MAFK: variants seen among roughly 807,000 people sequenced by gnomAD.
The protein encoded by MAFK is MAF bZIP transcription factor K.
MAFK carries 1 observed loss-of-function variant against 9.2 expected under a neutral mutation model. The observed-to-expected ratio is 0.11, with a 90% CI of 0.04 to 0.52. MAFK has a LOEUF of 0.52. MAFK is among the 20% of genes least tolerant of loss of function. The pLI is 0.94. For missense variants in MAFK, 207 were observed against 236.0 expected, an observed-to-expected ratio of 0.88 and a Z score of 0.81; for synonymous variants, 110 against 107.4, an observed-to-expected ratio of 1.02 and a Z score of -0.15.
At position 1,534,831 on chromosome 7, in the gene MAFK, A is replaced by G. The variant is rs900534122; in HGVS notation, c.-45+3933A>G. On this transcript the variant is annotated intron_variant, in intron 1 of 2. Transcript: ENST00000343242. The surrounding 1 kb of genome is among the most constrained non-coding windows in gnomAD (Gnocchi z 4.3). ...CCAAAGCTGAAATCCCCGTTTCTCT[A>G]TGGGCATCCACAGCCGGGACCGTTC... 3 of 353,094 alleles carry G rather than the reference A, an allele frequency of 8.5e-6. No homozygotes were observed. The highest frequency in any genetic ancestry group is 6.4e-5 in the African/African-American group (3 of 46,826). The allele number at this position is 353,094 out of a possible 1,614,324, so 21.9% of individuals were successfully genotyped here. A position where few individuals can be genotyped will look rare whatever the true frequency, so the allele number is the denominator to read the frequency against.
rs369980431 is a variant in MAFK, at chr7:1,532,552, G to A, written c.-45+1654G>A. ...CTTTGAGGGGCTGGTTGCCCGCAGC[G>A]TCGACTCCCCAGGTGCTGGTAAACC... On this transcript the variant is annotated intron_variant, in intron 1 of 2. Coordinates refer to ENST00000343242, the MANE Select transcript of MAFK (RefSeq NM_002360.4). This position sits in a 1 kb window ranked among gnomAD's most constrained non-coding sequence, Gnocchi z 4.5. 4.8e-4 allele frequency among the ~76,000 whole-genome samples: 73 copies of A among 152,294 alleles called. No individual in the cohort carries two copies. The South Asian group carries it at 0.012, about 25-fold the overall frequency.
intron 1 of MAFK, among the ~76,000 whole-genome samples, chr7:1,536,615 T>G (rs1784037532): frequency 6.6e-6 from 1 of 152,252 alleles, no homozygotes; most frequent in South Asian, 2.1e-4. Flanking sequence ...ATCAGTTGCT[T>G]TACAAACTTT....
At chr7:1,531,011 G>C (rs1783891478) in intron 1 of MAFK, 113 bp downstream of exon 1, 1 of 147,014 alleles carries the variant, frequency 6.8e-6, no homozygotes, top group Admixed American at 6.7e-5. Flanking sequence ...CGGGCCGAGG[G>C]TGGCGGGGTT....
intron 1 of MAFK, 108 bp downstream of exon 1, chr7:1,531,006 C>T (rs1372485372): frequency 6.9e-6 from 1 of 145,234 alleles, no homozygotes; most frequent in Non-Finnish European, 1.5e-5. Flanking sequence ...GGGCGCGGGC[C>T]GAGGGTGGCG....
At chr7:1,533,450 A>G (rs1333093680) in intron 1 of MAFK, among the ~76,000 whole-genome samples, 1 of 152,140 alleles carries the variant, frequency 6.6e-6, no homozygotes, top group Non-Finnish European at 1.5e-5. Flanking sequence ...GGAGGAGAGC[A>G]GTGGGGAGTG....
Position 1,540,148 on chromosome 7 carries a change from C to A in MAFK, c.244C>A (p.Gln82Lys). The change falls in exon 3 of 3, where the codon CAG becomes AAG. Residue 82 changes from glutamine to lysine, a missense_variant. Coordinates refer to ENST00000343242, the MANE Select transcript of MAFK (RefSeq NM_002360.4). ...RVTQKEELER[Q>K]RVELQQEVEK... ...GACGCAGAAGGAGGAGCTGGAGCGG[C>A]AGCGCGTGGAGCTGCAGCAGGAGGT... is the stretch of plus-strand genomic sequence containing the variant. 6.4e-7 allele frequency: 1 copy of A among 1,570,214 alleles called. No homozygotes were observed. Among genetic ancestry groups the A allele is most frequent in the Non-Finnish European group, 8.6e-7 (1 of 1,157,988 alleles).
rs963036874 is a variant in MAFK, at chr7:1,532,520, G to A, written c.-45+1622G>A. ...CTCCTGCCTTTTATCCTTGAACCGA[G>A]CCAGGGCTTTGAGGGGCTGGTTGCC... On this transcript the variant is annotated intron_variant, in intron 1 of 2. Transcript: ENST00000343242. The surrounding 1 kb of genome is among the most constrained non-coding windows in gnomAD (Gnocchi z 4.5). 6.6e-6 allele frequency among the ~76,000 whole-genome samples: 1 copy of A among 152,206 alleles called. No individual in the cohort carries two copies. The highest frequency in any genetic ancestry group is 2.1e-4 in the South Asian group (1 of 4,828).
At chr7:1,531,175 C>T (rs867785119) in intron 1 of MAFK, among the ~76,000 whole-genome samples, 9 of 149,482 alleles carry the variant, frequency 6.0e-5, no homozygotes, top group Non-Finnish European at 1.2e-4. Context: ...CGCCGGGGGC[C>T]CCAGGGCGCG....
intron 1 of MAFK, chr7:1,537,273 C>T: frequency 1.7e-6 from 1 of 584,822 alleles, no homozygotes; most frequent in Non-Finnish European, 2.2e-6. Flanking sequence ...CCACGGCGGG[C>T]AGTGGGCCCG....
chr7:1,531,572 G>C (rs962022312), intron 1 of MAFK, among the ~76,000 whole-genome samples: 3 of 152,190 alleles, frequency 2.0e-5, no homozygotes, highest in Non-Finnish European at 4.4e-5. Flanking sequence ...TGGCCCCAAG[G>C]CTCGTCCCTT....
intron 2 of MAFK, 53 bp from the exon 3 acceptor site, chr7:1,539,888 C>G (rs921121527): frequency 2.8e-6 from 4 of 1,430,800 alleles, no homozygotes; most frequent in Non-Finnish European, 3.7e-6. Flanking sequence ...GTGTCGGTCC[C>G]AGGCAGACAC....
At position 1,532,944 on chromosome 7, in the gene MAFK, C is replaced by G. The variant is rs1280187377; in HGVS notation, c.-45+2046C>G. ...CAGTGACTCACCGCTCCGTCCCCACCCTCCCTGCTCTCCGCGAATGGAAGA... is the reference window on the plus strand; with the variant it reads ...CAGTGACTCACCGCTCCGTCCCCACGCTCCCTGCTCTCCGCGAATGGAAGA... On this transcript the variant is annotated intron_variant, in intron 1 of 2. Coordinates refer to ENST00000343242, the MANE Select transcript of MAFK (RefSeq NM_002360.4). This position sits in a 1 kb window ranked among gnomAD's most constrained non-coding sequence, Gnocchi z 4.5. Among the ~76,000 whole-genome samples, 1 of 152,212 alleles carries G rather than the reference C, an allele frequency of 6.6e-6. No homozygotes were observed. Among genetic ancestry groups the G allele is most frequent in the Non-Finnish European group, 1.5e-5 (1 of 68,038 alleles).
At chr7:1,535,790 C>T (rs532740297) in intron 1 of MAFK, among the ~76,000 whole-genome samples, 43 of 152,358 alleles carry the variant, frequency 2.8e-4, no homozygotes, top group African/African-American at 9.9e-4. Flanking sequence ...GGCTCTGATC[C>T]TCACCCTCTG....
At position 1,540,597 on chromosome 7, in the gene MAFK, CG is replaced by C. The variant is rs1282229304; in HGVS notation, c.*223del. On this transcript the variant is annotated 3_prime_UTR_variant, in exon 3 of 3. Transcript: ENST00000343242. ...GCCGGTCCACAGACACACTCACGCC[CG>C]CCACCTGCTCCCCGCAGGATGTGTC... 7.4e-6 allele frequency: 4 copies of C among 542,984 alleles called. No individual in the cohort carries two copies. The highest frequency in any genetic ancestry group is 1.3e-5 in the Non-Finnish European group (4 of 309,952). 33.6% of individuals were successfully genotyped at this position (542,984 alleles called of 1,614,324 possible).
intron 1 of MAFK, among the ~76,000 whole-genome samples, chr7:1,531,374 CG>C (rs1562541923): frequency 6.6e-6 from 1 of 152,104 alleles, no homozygotes; most frequent in Non-Finnish European, 1.5e-5. Context: ...GACTGCCCCC[CG>C]CGCTTCCTCC....
rs1252713047 is a variant in MAFK, at chr7:1,540,531, T to C, written c.*156T>C. The C allele has an allele frequency of 3.8e-6, 3 of 786,972 alleles. No individual in the cohort carries two copies. 48.7% of individuals were successfully genotyped at this position (786,972 alleles called of 1,614,324 possible). ...AGCTCACACCAGGAAGAGACTGTAT[T>C]GCAGGGTGAAGAGTGGGCTCCCGTG... On this transcript the variant is annotated 3_prime_UTR_variant, in exon 3 of 3. Coordinates refer to ENST00000343242, the MANE Select transcript of MAFK (RefSeq NM_002360.4).
Position 1,530,721 on chromosome 7 carries a change from G to C in MAFK, c.-222G>C, listed in dbSNP as rs1198736444. On this transcript the variant is annotated 5_prime_UTR_variant, in exon 1 of 3. Coordinates refer to ENST00000343242, the MANE Select transcript of MAFK (RefSeq NM_002360.4). ...AGCGGTGTCAGATGCTGGGGAGCCGGGCGGGCGGGTGCGGTGGCGGCGGGC... is the reference window on the plus strand; with the variant it reads ...AGCGGTGTCAGATGCTGGGGAGCCGCGCGGGCGGGTGCGGTGGCGGCGGGC... 1.3e-5 allele frequency: 2 copies of C among 150,156 alleles called. No individual in the cohort carries two copies. Among genetic ancestry groups the C allele is most frequent in the East Asian group, 3.9e-4 (2 of 5,110 alleles). The allele number at this position is 150,156 out of a possible 1,614,324, so 9.3% of individuals were successfully genotyped here.
chr7:1,532,613 G>C lies in MAFK; in HGVS notation c.-45+1715G>C, dbSNP rs1363516617. On this transcript the variant is annotated intron_variant, in intron 1 of 2. Transcript: ENST00000343242. The surrounding 1 kb of genome is among the most constrained non-coding windows in gnomAD (Gnocchi z 4.5). ...CGTTTACCGAGGGTCAGGGTTGTCGGGGCGCCAGCCTTTGTGTGCACCCGG... is the reference window on the plus strand; with the variant it reads ...CGTTTACCGAGGGTCAGGGTTGTCGCGGCGCCAGCCTTTGTGTGCACCCGG... 2.0e-5 allele frequency among the ~76,000 whole-genome samples: 3 copies of C among 152,220 alleles called. No homozygotes were observed. The highest frequency in any genetic ancestry group is 4.4e-5 in the Non-Finnish European group (3 of 68,046).
At chr7:1,539,377 T>C (rs1562546757) in intron 2 of MAFK, 149 bp downstream of exon 2, 3 of 654,842 alleles carry the variant, frequency 4.6e-6, no homozygotes, top group Non-Finnish European at 8.0e-6. Context: ...GGCCGAGGGA[T>C]GTTCACAGGA....
Sources: gnomAD v4.1 joint callset for allele counts (sites outside exome capture counted in the v4.1 genomes callset) on GRCh38, gnomAD v4.1.1 for gene constraint, Gnocchi (gnomAD v3.1) non-coding constraint, MANE v1.5 for transcripts, NCBI Gene and HGNC (gene_info 2026-07-23, HGNC 2026-07-21) for gene names.